The following SLC9B1 variants were observed in gnomAD, a reference collection of about 807,000 sequenced individuals.
SLC9B1 encodes the protein solute carrier family 9 member B1, also known as sodium/hydrogen exchanger 9B1.
Under a neutral mutation model 51.7 loss-of-function variants are expected in SLC9B1, and 32 were observed. The ratio of observed to expected loss-of-function variants is 0.62; its 90% CI spans 0.47 to 0.83. The LOEUF is 0.83. Among genes scored for constraint, SLC9B1 ranks in the 40% least tolerant of loss-of-function variants. SLC9B1 has a pLI of 0.00. For synonymous variants in SLC9B1, 145 were observed against 212.7 expected (o/e 0.68, Z 2.77); for missense variants, 406 against 613.2 (o/e 0.66, Z 3.57).
At chr4:102,976,290 G>T (rs935406602) in intron 3 of SLC9B1, among the ~76,000 whole-genome samples, 2 of 152,000 alleles carry the variant, frequency 1.3e-5, no homozygotes, top group Non-Finnish European at 2.9e-5. Context: ...TAATATTCTA[G>T]GTCTTGAATG....
chr4:102,954,693 T>C (rs1486669069), intron 3 of SLC9B1, among the ~76,000 whole-genome samples: 3 of 148,712 alleles, frequency 2.0e-5, no homozygotes, highest in Non-Finnish European at 4.4e-5. Flanking sequence ...ACATATGCCA[T>C]TTTTTACCAG....
At chr4:102,935,215 G>T (rs1234776179) in intron 6 of SLC9B1, among the ~76,000 whole-genome samples, 6 of 152,122 alleles carry the variant, frequency 3.9e-5, no homozygotes, top group Non-Finnish European at 7.4e-5. Flanking sequence ...AGGAAAAGTT[G>T]AAGGACAACA....
At position 102,965,795 on chromosome 4, in the gene SLC9B1, AC is replaced by A. The variant is rs1342603254; in HGVS notation, c.212-16369del. 5.1e-3 allele frequency among the ~76,000 whole-genome samples: 748 copies of A among 147,848 alleles called. 5 individuals are homozygous for A. The highest frequency in any genetic ancestry group is 0.014 in the Middle Eastern group (4 of 288). On this transcript the variant is annotated intron_variant, in intron 3 of 11. Transcript: ENST00000296422. ...AGCCTGTAAAATAATAAAAAAAAAA[AC>A]AACAAGTTATTTACTTCCAAGATAC...
At chr4:102,963,416 G>A (rs574845612) in intron 3 of SLC9B1, 1 of 198,210 alleles carries the variant, frequency 5.0e-6, no homozygotes, top group African/African-American at 2.3e-5. Context: ...ATTTCTAAAT[G>A]ACATTTGGTG....
intron 1 of SLC9B1, among the ~76,000 whole-genome samples, chr4:102,993,519 G>T (rs1477570272): frequency 6.6e-6 from 1 of 152,164 alleles, no homozygotes; most frequent in Non-Finnish European, 1.5e-5. Flanking sequence ...TGGCATTGAG[G>T]GTCTGCTGCT....
chr4:102,932,144 A>G lies in SLC9B1; in HGVS notation c.809T>C (p.Leu270Ser). The change falls in exon 7 of 12, where the codon TTG (leucine) becomes TCG (serine). Residue 270 changes from leucine to serine, a missense_variant. Leu to Ser is a moderately radical substitution (Grantham distance 145). Transcript: ENST00000296422. ...TTTACCTGAGGAAAAGACTATGCTC[A>G]AGCATGTATTGAATCCAGTGATAGC... ...ILAITGFNTC[L>S]SIVFSSGGIL... The G allele has an allele frequency of 6.2e-7, 1 of 1,611,948 alleles. No individual in the cohort carries two copies. The highest frequency in any genetic ancestry group is 8.5e-7 in the Non-Finnish European group (1 of 1,179,762).
At chr4:102,964,452 T>A (rs1738316177) in intron 3 of SLC9B1, among the ~76,000 whole-genome samples, 1 of 152,106 alleles carries the variant, frequency 6.6e-6, no homozygotes, top group Non-Finnish European at 1.5e-5. Flanking sequence ...TCATTTGATA[T>A]CAATATTACC....
At chr4:103,018,789 C>A (rs1410051445) in intron 1 of SLC9B1, among the ~76,000 whole-genome samples, 2 of 152,154 alleles carry the variant, frequency 1.3e-5, no homozygotes, top group African/African-American at 4.8e-5. Context: ...AAGCAGGGAT[C>A]CCCAACCCCT....
intron 11 of SLC9B1, among the ~76,000 whole-genome samples, chr4:102,905,051 G>A (rs1250498250): frequency 6.6e-6 from 1 of 151,884 alleles, no homozygotes; most frequent in Non-Finnish European, 1.5e-5. Flanking sequence ...CTACTCAGGA[G>A]GCTGATGTGA....
At chr4:102,947,892 G>C (rs1163702058) in intron 4 of SLC9B1, among the ~76,000 whole-genome samples, 2 of 147,664 alleles carry the variant, frequency 1.4e-5, no homozygotes, top group Admixed American at 6.8e-5. Flanking sequence ...ATAAATGTGA[G>C]CTCTACATAC....
intron 3 of SLC9B1, among the ~76,000 whole-genome samples, chr4:102,965,478 AACTC>A (rs1738373618): frequency 6.6e-6 from 1 of 152,170 alleles, no homozygotes. Context: ...TGAGAGCAAG[AACTC>A]ACTCACTATA....
Position 102,910,604 on chromosome 4 carries a change from T to C in SLC9B1, c.937-16A>G, listed in dbSNP as rs1211125439. 4 of 1,199,466 alleles carry C rather than the reference T, an allele frequency of 3.3e-6. No homozygotes were observed. Among genetic ancestry groups the C allele is most frequent in the East Asian group, 3.0e-5 (1 of 33,202 alleles). The allele number at this position is 1,199,466 out of a possible 1,614,324, so 74.3% of individuals were successfully genotyped here. A position where few individuals can be genotyped will look rare whatever the true frequency, so the allele number is the denominator to read the frequency against. On this transcript the variant is annotated splice_polypyrimidine_tract_variant and intron_variant, in intron 8 of 11. Coordinates refer to ENST00000296422, the MANE Select transcript of SLC9B1 (RefSeq NM_139173.4). ...TAAGTTTTTTCTAGAATTAGATAGA[T>C]ATTTAGAAATTAGTTTATATTAAAT... is the stretch of plus-strand genomic sequence containing the variant.
At chr4:102,932,453 G>A (rs1736507881) in intron 6 of SLC9B1, among the ~76,000 whole-genome samples, 154 bp from the exon 7 acceptor site, 1 of 152,190 alleles carries the variant, frequency 6.6e-6, no homozygotes, top group African/African-American at 2.4e-5. Flanking sequence ...AACTTTTCAT[G>A]CATTGTTTAG....
chr4:102,894,793 C>G (rs1382764765), intron 11 of SLC9B1, among the ~76,000 whole-genome samples: 1 of 151,960 alleles, frequency 6.6e-6, no homozygotes, highest in Admixed American at 6.6e-5. Flanking sequence ...CTATCTCTAA[C>G]CAAAACAAAA....
intron 7 of SLC9B1, among the ~76,000 whole-genome samples, chr4:102,913,537 A>C (rs1455540924): frequency 1.3e-5 from 2 of 152,114 alleles, no homozygotes; most frequent in Admixed American, 6.5e-5. Flanking sequence ...CAAACGTCCA[A>C]ATCTTGGCAA....
intron 7 of SLC9B1, among the ~76,000 whole-genome samples, chr4:102,920,413 G>A (rs11937765): frequency 0.54 from 82,710 of 151,986 alleles, 23,042 homozygotes; most frequent in African/African-American, 0.68. Flanking sequence ...GGTCAACAAT[G>A]TCAAAGAACA....
intron 3 of SLC9B1, among the ~76,000 whole-genome samples, chr4:102,980,605 A>G (rs751936625): frequency 2.6e-5 from 4 of 152,178 alleles, no homozygotes; most frequent in Non-Finnish European, 5.9e-5. Flanking sequence ...GACGGAGAGC[A>G]TTAGGAAGAA....
chr4:103,018,692 C>T (rs1047093706), intron 1 of SLC9B1, among the ~76,000 whole-genome samples: 1 of 152,048 alleles, frequency 6.6e-6, no homozygotes, highest in East Asian at 1.9e-4. Context: ...GGTATGGTCC[C>T]GTGAAGAGCT....
At chr4:103,012,230 G>A (rs540310260) in intron 1 of SLC9B1, among the ~76,000 whole-genome samples, 1 of 152,290 alleles carries the variant, frequency 6.6e-6, no homozygotes, top group South Asian at 2.1e-4. Context: ...ATTGCTCACA[G>A]GTTCTGCCTT....
Sources: allele counts gnomAD v4.1 joint callset (sites outside exome capture counted in the v4.1 genomes callset), GRCh38; gene constraint gnomAD v4.1.1; transcripts MANE v1.5; gene names NCBI Gene and HGNC (gene_info 2026-07-23, HGNC 2026-07-21).